HDGFL3: variants seen among roughly 807,000 people sequenced by gnomAD.
HDGFL3 encodes hepatoma-derived growth factor-related protein 3.
In HDGFL3, 6 loss-of-function variants were observed where a neutral mutation model predicts 27.6. That is an observed-to-expected ratio of 0.22 (90% CI 0.12 to 0.43). The LOEUF is 0.43. Among genes scored for constraint, HDGFL3 ranks in the 20% least tolerant of loss-of-function variants. The pLI is 1.00. For synonymous variants in HDGFL3, 88 were observed against 88.9 expected, an observed-to-expected ratio of 0.99 and a Z score of 0.05; for missense variants, 207 against 250.1, an observed-to-expected ratio of 0.83 and a Z score of 1.16.
chr15:83,204,999 T>G (rs2037699630), intron 1 of HDGFL3, among the ~76,000 whole-genome samples: 1 of 152,240 alleles, frequency 6.6e-6, no homozygotes, highest in Non-Finnish European at 1.5e-5. Context: ...ACATGTACTC[T>G]GAAATCTGTT....
intron 1 of HDGFL3, among the ~76,000 whole-genome samples, chr15:83,195,676 T>C (rs1296356706): frequency 6.6e-6 from 1 of 152,038 alleles, no homozygotes; most frequent in African/African-American, 2.4e-5. Flanking sequence ...TGGAAATAAC[T>C]GAAAATTTAA....
intron 1 of HDGFL3, among the ~76,000 whole-genome samples, chr15:83,200,600 T>C (rs1273019525): frequency 2.0e-5 from 3 of 152,214 alleles, no homozygotes; most frequent in Non-Finnish European, 2.9e-5. Flanking sequence ...TAGCAAATAG[T>C]TCTTTCATAT....
At chr15:83,126,737 GTTTA>G (rs1370675759), downstream of HDGFL3, 3 of 1,595,312 alleles carry the variant, frequency 1.9e-6, no homozygotes, top group African/African-American at 1.4e-5. Context: ...TTTATAATGA[GTTTA>G]TTTTTGTCCT....
chr15:83,184,541 TATAAA>T (rs779081817), intron 1 of HDGFL3: 67 of 152,310 alleles, frequency 4.4e-4, no homozygotes, highest in South Asian at 1.2e-3. Context: ...TAATTACTGT[TATAAA>T]ATATTTTATC....
At chr15:83,182,051 G>A (rs1280697296) in intron 1 of HDGFL3, among the ~76,000 whole-genome samples, 2 of 152,260 alleles carry the variant, frequency 1.3e-5, no homozygotes, top group East Asian at 3.9e-4. Flanking sequence ...CCTAAATCAA[G>A]TATAGAACAT....
chr15:83,173,992 A>T (rs1255301344), intron 1 of HDGFL3, among the ~76,000 whole-genome samples: 1 of 152,222 alleles, frequency 6.6e-6, no homozygotes, highest in Non-Finnish European at 1.5e-5. Context: ...TCACAGAGCA[A>T]AGATGCTCTG....
In HDGFL3 at chr15:83,136,344, T is replaced by C. The variant is rs549053266; in HGVS notation, c.*2926A>G. The C allele has an allele frequency of 2.1e-5, 12 of 567,564 alleles. 1 individual carries two copies. The South Asian group carries it at 4.4e-4, about 21-fold the overall frequency. The allele number at this position is 567,564 out of a possible 1,614,324, so 35.2% of individuals were successfully genotyped here. The stretch of plus-strand genomic sequence containing the variant: ...TCTGACATTAAAGACTCTGGATTGT[T>C]TGAAGGTATTTTGCCTGCAGGTGAG... On this transcript the variant is annotated 3_prime_UTR_variant, in exon 6 of 6. Transcript: ENST00000299633.
exon 4 of HDGFL3, chr15:83,114,698 TTCTTA>T (rs2034497837): frequency 6.6e-6 from 1 of 152,344 alleles, no homozygotes; most frequent in Admixed American, 6.5e-5. Flanking sequence ...TTCACAGCTT[TTCTTA>T]TATTCACCAT....
Position 83,207,142 on chromosome 15 carries a change from C to G in HDGFL3, c.84+189G>C, listed in dbSNP as rs1471889407. ...GAAGGATGGCCGCCCTGGCGGAGTGCGGGCGAGGCCGGGAGCCCTTGCCTC... is the reference window on the plus strand; with the variant it reads ...GAAGGATGGCCGCCCTGGCGGAGTGGGGGCGAGGCCGGGAGCCCTTGCCTC... On this transcript the variant is annotated intron_variant, in intron 1 of 5. Coordinates refer to ENST00000299633, the MANE Select transcript of HDGFL3 (RefSeq NM_016073.4). The surrounding 1 kb of genome is among the most constrained non-coding windows in gnomAD (Gnocchi z 4.8). Among the ~76,000 whole-genome samples, 1 of 152,178 alleles carries G rather than the reference C, an allele frequency of 6.6e-6. No individual in the cohort carries two copies. Among genetic ancestry groups the G allele is most frequent in the African/African-American group, 2.4e-5 (1 of 41,462 alleles).
chr15:83,171,393 G>A (rs2037244889), intron 1 of HDGFL3, among the ~76,000 whole-genome samples: 1 of 152,134 alleles, frequency 6.6e-6, no homozygotes, highest in Non-Finnish European at 1.5e-5. Flanking sequence ...CCATTACTGT[G>A]TATATATCCA....
At chr15:83,154,875 T>A (rs891937516) in intron 4 of HDGFL3, among the ~76,000 whole-genome samples, 17 of 152,212 alleles carry the variant, frequency 1.1e-4, no homozygotes, top group African/African-American at 4.1e-4. Flanking sequence ...ATTCTTTTTT[T>A]TCCCCCCTTT....
chr15:83,166,765 A>G (rs2037176097), intron 1 of HDGFL3, among the ~76,000 whole-genome samples: 1 of 152,154 alleles, frequency 6.6e-6, no homozygotes, highest in Non-Finnish European at 1.5e-5. Context: ...CACATCTTAC[A>G]TGTCCAGAGC....
intron 1 of HDGFL3, among the ~76,000 whole-genome samples, chr15:83,171,789 C>T (rs2037249724): frequency 6.6e-6 from 1 of 152,138 alleles, no homozygotes; most frequent in Middle Eastern, 3.4e-3. Context: ...CCATTGGATA[C>T]CTGGGTAATG....
At chr15:83,153,025 C>A (rs1373923491) in intron 4 of HDGFL3, among the ~76,000 whole-genome samples, 1 of 142,694 alleles carries the variant, frequency 7.0e-6, no homozygotes, top group South Asian at 2.2e-4. Flanking sequence ...GACGGAGTCT[C>A]GCTCTGTTGC....
At chr15:83,197,942 G>A (rs2037591756) in intron 1 of HDGFL3, among the ~76,000 whole-genome samples, 1 of 150,772 alleles carries the variant, frequency 6.6e-6, no homozygotes, top group African/African-American at 2.4e-5. Context: ...GGCTGAGGCA[G>A]GAGAACCTGG....
rs896349441 is a variant in HDGFL3, at chr15:83,144,773, G to A, written c.607-5498C>T. The stretch of plus-strand genomic sequence containing the variant: ...CAGTTCCTTTTGCAAGAGACCCAGA[G>A]CCAGAGGATTTAGCAAGTTGCACCT... On this transcript the variant is annotated intron_variant, in intron 5 of 5. Coordinates refer to ENST00000299633, the MANE Select transcript of HDGFL3 (RefSeq NM_016073.4). 4.7e-5 allele frequency: 16 copies of A among 343,718 alleles called. No individual in the cohort carries two copies. In the Middle Eastern group the frequency reaches 3.1e-3, roughly 67 times the overall value. 21.3% of individuals were successfully genotyped at this position (343,718 alleles called of 1,614,324 possible). A position where few individuals can be genotyped will look rare whatever the true frequency, so the allele number is the denominator to read the frequency against.
chr15:83,186,961 G>A (rs1011114662), intron 1 of HDGFL3, among the ~76,000 whole-genome samples: 4 of 151,802 alleles, frequency 2.6e-5, no homozygotes, highest in African/African-American at 7.3e-5. Flanking sequence ...ATCAATATTA[G>A]CATTCTCCAT....
rs567623966 is a variant in HDGFL3, at chr15:83,207,183, T to G, written c.84+148A>C. The G allele has an allele frequency of 7.1e-5, 33 of 464,838 alleles. No individual in the cohort carries two copies. In the Middle Eastern group the frequency reaches 2.4e-3, roughly 33 times the overall value. The allele number at this position is 464,838 out of a possible 1,614,324, so 28.8% of individuals were successfully genotyped here. A position where few individuals can be genotyped will look rare whatever the true frequency, so the allele number is the denominator to read the frequency against. ...CCCTTGCCTCAGCCCCGGCCCGGTC[T>G]TCTTCGTGCCGCGCCGCCCTCAGCC... On this transcript the variant is annotated intron_variant, in intron 1 of 5. Transcript: ENST00000299633. This position sits in a 1 kb window ranked among gnomAD's most constrained non-coding sequence, Gnocchi z 4.8.
At chr15:83,204,903 C>T (rs1174188532) in intron 1 of HDGFL3, among the ~76,000 whole-genome samples, 1 of 152,190 alleles carries the variant, frequency 6.6e-6, no homozygotes, top group African/African-American at 2.4e-5. Context: ...CAAAGGGCTG[C>T]CTAGGACCAA....
Sources: gnomAD v4.1 joint callset for allele counts (sites outside exome capture counted in the v4.1 genomes callset) on GRCh38, gnomAD v4.1.1 for gene constraint, Gnocchi (gnomAD v3.1) non-coding constraint, MANE v1.5 for transcripts, NCBI Gene and HGNC (gene_info 2026-07-23, HGNC 2026-07-21) for gene names.